The following MCU variants were observed in gnomAD, a reference collection of about 807,000 sequenced individuals.
MCU encodes the protein mitochondrial calcium uniporter.
MCU carries 12 observed loss-of-function variants against 45.2 expected under a neutral mutation model. The ratio of observed to expected loss-of-function variants is 0.27; its 90% CI spans 0.17 to 0.43. MCU has a LOEUF of 0.43. Among genes scored for constraint, MCU ranks in the 20% least tolerant of loss-of-function variants. The pLI is 1.00. For missense variants in MCU, 324 were observed against 436.7 expected (o/e 0.74, Z 2.30); for synonymous variants, 160 against 165.1 (o/e 0.97, Z 0.24).
intron 1 of MCU, among the ~76,000 whole-genome samples, chr10:72,782,040 G>A (rs1302644461): frequency 6.6e-6 from 1 of 152,154 alleles, no homozygotes; most frequent in East Asian, 1.9e-4. Flanking sequence ...ACAGTCCCCA[G>A]ATCATGAGTC....
intron 1 of MCU, among the ~76,000 whole-genome samples, chr10:72,742,653 G>C (rs1305142066): frequency 6.6e-6 from 1 of 152,182 alleles, no homozygotes; most frequent in African/African-American, 2.4e-5. Context: ...AACATGTCTT[G>C]CCTGCAAACT....
intron 2 of MCU, among the ~76,000 whole-genome samples, chr10:72,855,919 T>C (rs954881333): frequency 3.9e-5 from 6 of 152,208 alleles, no homozygotes; most frequent in Admixed American, 1.3e-4. Context: ...TATGAAAACA[T>C]GTCACACAAA....
chr10:72,808,373 G>A (rs1844487268), intron 1 of MCU, among the ~76,000 whole-genome samples: 1 of 152,166 alleles, frequency 6.6e-6, no homozygotes, highest in South Asian at 2.1e-4. Context: ...TATAATGATT[G>A]CAGAATCCAA....
Position 72,839,876 on chromosome 10 carries a change from A to G in MCU, c.220+5448A>G, listed in dbSNP as rs938564009. ...CTACTCAGGAGGCTGAGGCTGGGGA[A>G]TGGCGTGAACCCAGGAGGCGGAGCT... On this transcript the variant is annotated intron_variant, in intron 2 of 7. Transcript: ENST00000373053. 3.4e-5 allele frequency among the ~76,000 whole-genome samples: 5 copies of G among 148,944 alleles called. No individual in the cohort carries two copies. The East Asian group carries it at 1.0e-3, about 31-fold the overall frequency.
chr10:72,810,040 G>C (rs890696565), intron 1 of MCU, among the ~76,000 whole-genome samples: 1 of 151,740 alleles, frequency 6.6e-6, no homozygotes, highest in Non-Finnish European at 1.5e-5. Context: ...GTGTGCGCGT[G>C]AACATATGTG....
intron 1 of MCU, among the ~76,000 whole-genome samples, chr10:72,770,586 C>T (rs1329203061): frequency 6.6e-6 from 1 of 151,804 alleles, no homozygotes; most frequent in African/African-American, 2.4e-5. Flanking sequence ...TTAAAGACAC[C>T]AAGAGAAATA....
chr10:72,870,504 G>A lies in MCU; in HGVS notation c.658-873G>A, dbSNP rs564001571. On this transcript the variant is annotated intron_variant, in intron 5 of 7. Transcript: ENST00000373053. ...TCACCATGTTAGCCAGGATGGTCGC[G>A]ATCTCCTGACCTCGTGATCCACCTG... is the stretch of plus-strand genomic sequence containing the variant. 4.9e-4 allele frequency among the ~76,000 whole-genome samples: 74 copies of A among 152,108 alleles called. 1 individual carries two copies. The highest frequency in any genetic ancestry group is 4.6e-4 in the Admixed American group (7 of 15,282).
intron 2 of MCU, among the ~76,000 whole-genome samples, chr10:72,844,558 C>T (rs551133678): frequency 7.2e-5 from 11 of 151,950 alleles, no homozygotes; most frequent in African/African-American, 1.9e-4. Context: ...GACAAGAATG[C>T]GACTCTGTCT....
chr10:72,745,426 A>G (rs1843401227), intron 1 of MCU, among the ~76,000 whole-genome samples: 1 of 152,110 alleles, frequency 6.6e-6, no homozygotes. Flanking sequence ...ACAGCGTTTC[A>G]CCATGTTAGC....
chr10:72,755,912 T>C (rs988882934), intron 1 of MCU, among the ~76,000 whole-genome samples: 3 of 151,814 alleles, frequency 2.0e-5, no homozygotes, highest in African/African-American at 7.3e-5. Context: ...GATATGATCA[T>C]AGCTCACTGC....
chr10:72,797,223 T>TC (rs144206378), intron 1 of MCU, among the ~76,000 whole-genome samples: 77,130 of 142,406 alleles, frequency 0.54, 21,538 homozygotes, highest in Non-Finnish European at 0.64. Flanking sequence ...TTTATTTTAT[T>TC]TTATTTTATT....
chr10:72,774,543 CTTA>C (rs1345863268), intron 1 of MCU, among the ~76,000 whole-genome samples: 2 of 152,190 alleles, frequency 1.3e-5, no homozygotes, highest in South Asian at 2.1e-4. Flanking sequence ...TGAGTCCTTA[CTTA>C]TTAATAATAA....
At chr10:72,711,588 T>C (rs933294986) in intron 1 of MCU, among the ~76,000 whole-genome samples, 4 of 151,342 alleles carry the variant, frequency 2.6e-5, no homozygotes, top group East Asian at 2.0e-4. Context: ...CTCATACTTA[T>C]AATACCAGCA....
chr10:72,738,214 G>C (rs1220119033), intron 1 of MCU, among the ~76,000 whole-genome samples: 6 of 152,120 alleles, frequency 3.9e-5, no homozygotes, highest in Admixed American at 3.9e-4. Context: ...GGGGAAGTTG[G>C]AGTAAACTTA....
At chr10:72,744,991 G>C (rs945025957) in intron 1 of MCU, among the ~76,000 whole-genome samples, 7 of 151,844 alleles carry the variant, frequency 4.6e-5, no homozygotes, top group Admixed American at 4.6e-4. Context: ...CTGCCCCTCA[G>C]CTTTTCTTCT....
chr10:72,740,392 A>G (rs1057286238), intron 1 of MCU, among the ~76,000 whole-genome samples: 13 of 151,624 alleles, frequency 8.6e-5, no homozygotes, highest in African/African-American at 2.2e-4. Flanking sequence ...AAAAAAAAAA[A>G]GGGTGTTATC....
chr10:72,842,043 G>A (rs1296289506), intron 2 of MCU, among the ~76,000 whole-genome samples: 3 of 152,184 alleles, frequency 2.0e-5, no homozygotes, highest in Admixed American at 6.5e-5. Flanking sequence ...TCTTAGCCAA[G>A]CTATTGCTCT....
At chr10:72,707,354 A>G (rs1024002710) in intron 1 of MCU, among the ~76,000 whole-genome samples, 39 of 151,772 alleles carry the variant, frequency 2.6e-4, no homozygotes, top group African/African-American at 9.4e-4. Flanking sequence ...GCGCATCACC[A>G]TGCCTGGCTA....
chr10:72,726,828 C>T (rs1430764335), intron 1 of MCU, among the ~76,000 whole-genome samples: 1 of 152,092 alleles, frequency 6.6e-6, no homozygotes, highest in African/African-American at 2.4e-5. Context: ...AATATATAGT[C>T]TTCTTATAGT....
Sources: allele counts gnomAD v4.1 joint callset (sites outside exome capture counted in the v4.1 genomes callset), GRCh38; gene constraint gnomAD v4.1.1; transcripts MANE v1.5; gene names NCBI Gene and HGNC (gene_info 2026-07-23, HGNC 2026-07-21).